The following BANP variants were observed in gnomAD, a reference collection of about 807,000 sequenced individuals.
The protein encoded by BANP is protein BANP.
A neutral mutation model predicts 68.1 loss-of-function variants in BANP; 11 were observed. The ratio of observed to expected loss-of-function variants is 0.16; its 90% CI spans 0.10 to 0.27. The LOEUF (loss-of-function observed/expected upper bound fraction) is 0.27, where lower values mean the gene tolerates loss of function less well. BANP is among the 10% of genes least tolerant of loss of function. The pLI is 1.00. For synonymous variants in BANP, 329 were observed against 303.2 expected (o/e 1.09, Z -0.88); for missense variants, 504 against 722.7 (o/e 0.70, Z 3.47).
intron 1 of BANP, 31 bp downstream of exon 1, chr16:87,951,546 T>TCCGCCTCCCC (rs1180720485): frequency 6.6e-6 from 1 of 152,342 alleles, no homozygotes; most frequent in Non-Finnish European, 1.5e-5. Context: ...CGGTCGCGCC[T>TCCGCCTCCCC]CCGCCTCCCC....
rs2079797184 is a variant in BANP at position 88,038,015 on chromosome 16, A to G, written c.1311+4A>G. 1.3e-6 allele frequency: 2 copies of G among 1,594,062 alleles called. No homozygotes were observed. Among genetic ancestry groups the G allele is most frequent in the Non-Finnish European group, 1.7e-6 (2 of 1,167,902 alleles). On this transcript the variant is annotated splice_donor_region_variant and intron_variant, in intron 11 of 13. Transcript: ENST00000682872. ...TCACGTGGGGCAGGACGGTCAGGTG[A>G]GTGTCCCAGTCCCCATGCACATGCG...
intron 4 of BANP, among the ~76,000 whole-genome samples, chr16:87,987,903 CTGT>C (rs1567673191): frequency 6.6e-6 from 1 of 151,412 alleles, no homozygotes; most frequent in African/African-American, 2.4e-5. Context: ...GTGGCTGGAA[CTGT>C]AGGTGCACGC....
chr16:87,975,418 C>A (rs2061838748), intron 2 of BANP, among the ~76,000 whole-genome samples: 1 of 152,214 alleles, frequency 6.6e-6, no homozygotes. Context: ...GTCTCGAGGG[C>A]CATCCCTGCT....
At chr16:88,043,261 G>C (rs2081245526) in intron 11 of BANP, among the ~76,000 whole-genome samples, 2 of 152,230 alleles carry the variant, frequency 1.3e-5, no homozygotes, top group African/African-American at 4.8e-5. Flanking sequence ...CTCCAGGCAT[G>C]GGTAGCTCCT....
chr16:87,952,238 C>T (rs1238813705), intron 1 of BANP: 1 of 152,276 alleles, frequency 6.6e-6, no homozygotes, highest in Non-Finnish European at 1.5e-5. Context: ...GAGAGATTGC[C>T]TTGATAGAGG....
chr16:88,071,991 G>A lies in BANP; in HGVS notation c.1378-78G>A, dbSNP rs557036950. ...ACAGCACGTGTGGGCTGGGGTCTGC[G>A]GTCTGTGGAGCCATGTGGGTTGTGG... On this transcript the variant is annotated intron_variant, in intron 12 of 13. Transcript: ENST00000682872. This position sits in a 1 kb window ranked among gnomAD's most constrained non-coding sequence, Gnocchi z 6.5. 37 of 1,527,086 alleles carry A rather than the reference G, an allele frequency of 2.4e-5. No homozygotes were observed. Among genetic ancestry groups the A allele is most frequent in the East Asian group, 2.0e-4 (8 of 40,816 alleles). 94.6% of individuals were successfully genotyped at this position (1,527,086 alleles called of 1,614,324 possible).
At chr16:88,045,903 C>T (rs1291365048) in intron 11 of BANP, among the ~76,000 whole-genome samples, 1 of 152,244 alleles carries the variant, frequency 6.6e-6, no homozygotes, top group Non-Finnish European at 1.5e-5. Context: ...CTCTTCACTG[C>T]AGTGGGGTGG....
At chr16:88,053,999 A>G (rs1163944175) in intron 11 of BANP, among the ~76,000 whole-genome samples, 1 of 80,302 alleles carries the variant, frequency 1.2e-5, no homozygotes, top group Non-Finnish European at 3.4e-5. Context: ...ACCATCACCA[A>G]CACAACCACC....
intron 11 of BANP, among the ~76,000 whole-genome samples, chr16:88,059,296 G>T: frequency 6.6e-6 from 1 of 151,842 alleles, no homozygotes; most frequent in East Asian, 1.9e-4. Context: ...AGGGGGCACT[G>T]CCTTCCCTCT....
chr16:88,044,721 C>T (rs574256761), intron 11 of BANP, among the ~76,000 whole-genome samples: 38 of 152,326 alleles, frequency 2.5e-4, no homozygotes, highest in African/African-American at 8.2e-4. Context: ...CGGTGGCTCA[C>T]GCCTGTAATC....
At chr16:87,978,455 C>T (rs61454154) in intron 2 of BANP, 3,601 of 341,606 alleles carry the variant, frequency 0.011, 99 homozygotes, top group African/African-American at 0.073. Context: ...GTGTGATGAC[C>T]GGTTTCCAGT....
intron 8 of BANP, among the ~76,000 whole-genome samples, chr16:88,028,910 C>G (rs567892306): frequency 2.6e-5 from 4 of 152,324 alleles, no homozygotes; most frequent in Non-Finnish European, 4.4e-5. Context: ...GTGCCTGTCT[C>G]TAGGTAGTAG....
chr16:88,046,514 T>C (rs2082057932), intron 11 of BANP, among the ~76,000 whole-genome samples: 1 of 152,112 alleles, frequency 6.6e-6, no homozygotes, highest in African/African-American at 2.4e-5. Flanking sequence ...TGGCATTGTT[T>C]ATGTTCTTTT....
intron 11 of BANP, among the ~76,000 whole-genome samples, chr16:88,048,865 C>T (rs1013093671): frequency 6.6e-6 from 1 of 152,182 alleles, no homozygotes; most frequent in Non-Finnish European, 1.5e-5. Context: ...TTGGCGCTCA[C>T]CACAGATTCT....
rs549670533 is a variant in BANP, at chr16:87,985,230, CTT to C, written c.362+973_362+974del. Among the ~76,000 whole-genome samples the C allele has an allele frequency of 7.1e-3, 1,082 of 152,330 alleles. 17 individuals are homozygous for C. Among genetic ancestry groups the C allele is most frequent in the African/African-American group, 0.025 (1,023 of 41,574 alleles). ...TGTGCTGGCCGAAGCAGTGGTGCCT[CTT>C]TGAACTCTCGGGCATGCCGGGGCTT... On this transcript the variant is annotated intron_variant, in intron 4 of 13. Transcript: ENST00000682872.
At chr16:87,970,909 C>T (rs929719919) in intron 1 of BANP, among the ~76,000 whole-genome samples, 2 of 151,238 alleles carry the variant, frequency 1.3e-5, no homozygotes, top group Non-Finnish European at 2.9e-5. Context: ...CACAGCTACT[C>T]GGGAGGCTGA....
intron 11 of BANP, among the ~76,000 whole-genome samples, chr16:88,054,281 C>G (rs1246361886): frequency 6.8e-5 from 1 of 14,730 alleles, no homozygotes; most frequent in African/African-American, 1.6e-4. Context: ...ACCTCTACCA[C>G]TGTCATCTCC....
chr16:88,076,668 C>T lies in BANP; in HGVS notation c.*7C>T, dbSNP rs778143240. 1.2e-6 allele frequency: 2 copies of T among 1,605,228 alleles called. No individual in the cohort carries two copies. The highest frequency in any genetic ancestry group is 1.7e-6 in the Non-Finnish European group (2 of 1,178,752). ...GGCCATCCAGATTCAGTGAGCGGTG[C>T]CCATGGCACCAGGAGCCCCTCGCCG... is the stretch of plus-strand genomic sequence containing the variant. On this transcript the variant is annotated 3_prime_UTR_variant, in exon 14 of 14. Coordinates refer to ENST00000682872, the MANE Select transcript of BANP (RefSeq NM_001386991.1).
At chr16:88,068,181 G>C (rs190597325) in intron 12 of BANP, among the ~76,000 whole-genome samples, 14 of 152,380 alleles carry the variant, frequency 9.2e-5, no homozygotes, top group Admixed American at 4.6e-4. Flanking sequence ...AGCTCCGGCT[G>C]TGTGGCACGG....
Sources: gnomAD v4.1 joint callset for allele counts (sites outside exome capture counted in the v4.1 genomes callset) on GRCh38, gnomAD v4.1.1 for gene constraint, Gnocchi (gnomAD v3.1) non-coding constraint, MANE v1.5 for transcripts, NCBI Gene and HGNC (gene_info 2026-07-23, HGNC 2026-07-21) for gene names.